Variants in RBFOX1 observed in about 807,000 individuals in gnomAD.
The protein encoded by RBFOX1 is RNA binding protein fox-1 homolog 1.
Under a neutral mutation model 57.7 loss-of-function variants are expected in RBFOX1, and 8 were observed. The observed-to-expected ratio is 0.14, with a 90% CI of 0.08 to 0.25. The LOEUF is 0.25. Ranked by LOEUF, RBFOX1 falls within the 10% of genes least tolerant of loss-of-function variation. The pLI, the probability that RBFOX1 is intolerant of heterozygous loss-of-function variation, is 1.00. For missense variants in RBFOX1, 611 were observed against 548.5 expected (o/e 1.11, Z -1.14); for synonymous variants, 326 against 222.4 (o/e 1.47, Z -4.15).
intron 4 of RBFOX1, among the ~76,000 whole-genome samples, chr16:7,278,121 G>A (rs570394984): frequency 1.6e-4 from 25 of 151,842 alleles, no homozygotes; most frequent in Non-Finnish European, 2.6e-4. Flanking sequence ...ATTTGGCTCC[G>A]CTTGGTTTCC....
intron 4 of RBFOX1, among the ~76,000 whole-genome samples, chr16:7,330,160 G>A (rs1246405654): frequency 6.6e-6 from 1 of 151,978 alleles, no homozygotes; most frequent in Non-Finnish European, 1.5e-5. Flanking sequence ...TTGGTTCCAG[G>A]ACCTCCCCTC....
At chr16:5,633,337 G>C (rs1381487421) in intron 3 of RBFOX1, among the ~76,000 whole-genome samples, 2 of 152,196 alleles carry the variant, frequency 1.3e-5, no homozygotes, top group East Asian at 3.9e-4. Flanking sequence ...CCAAAGCATA[G>C]GTGCTCTTTT....
intron 3 of RBFOX1, among the ~76,000 whole-genome samples, chr16:5,834,085 C>G (rs2056373469): frequency 6.6e-6 from 1 of 152,188 alleles, no homozygotes; most frequent in African/African-American, 2.4e-5. Context: ...GGCTTAGTTG[C>G]AGAGGTCGTC....
chr16:7,673,909 A>G (rs1161383720), intron 13 of RBFOX1, among the ~76,000 whole-genome samples: 1 of 152,182 alleles, frequency 6.6e-6, no homozygotes, highest in African/African-American at 2.4e-5. Flanking sequence ...CAGGTTCAAC[A>G]TGAACATGGT....
At chr16:7,512,350 G>C (rs1207300649) in intron 4 of RBFOX1, among the ~76,000 whole-genome samples, 1 of 152,166 alleles carries the variant, frequency 6.6e-6, no homozygotes, top group Non-Finnish European at 1.5e-5. Context: ...AAGAATCCAG[G>C]AATGTCACTA....
intron 3 of RBFOX1, among the ~76,000 whole-genome samples, chr16:6,886,028 G>A (rs991945588): frequency 6.6e-6 from 1 of 151,714 alleles, no homozygotes; most frequent in South Asian, 2.1e-4. Flanking sequence ...CATGCATCAA[G>A]GATACTGTTG....
At position 5,403,358 on chromosome 16, in the gene RBFOX1, A is replaced by AC. The variant is rs1384735732; in HGVS notation, c.220-63858_220-63857insC. Among the ~76,000 whole-genome samples the AC allele has an allele frequency of 3.0e-3, 447 of 149,730 alleles. 4 individuals carry two copies. The highest frequency in any genetic ancestry group is 0.012 in the East Asian group (59 of 5,124). On this transcript the variant is annotated intron_variant, in intron 1 of 2. Transcript: ENST00000585867. The stretch of plus-strand genomic sequence containing the variant: ...GACTGAAACGCTGTCTCAAAAAAAA[A>AC]AAAAAAAAACAAAAAACAAACAAAC...
At chr16:6,487,673 TAAAAAAAAAAAAAAA>T (rs777856402) in intron 2 of RBFOX1, among the ~76,000 whole-genome samples, 815 of 38,594 alleles carry the variant, frequency 0.021, 20 homozygotes, top group African/African-American at 0.022. Context: ...GTGATATATG[TAAAAAAAAAAAAAAA>T]AAAAAAAAAA....
chr16:7,065,686 G>T (rs2055826547), intron 4 of RBFOX1, among the ~76,000 whole-genome samples: 1 of 152,130 alleles, frequency 6.6e-6, no homozygotes, highest in Non-Finnish European at 1.5e-5. Context: ...GCTCTCAGCA[G>T]TTTTGGGGAA....
At chr16:6,485,399 T>C (rs2095455452) in intron 2 of RBFOX1, among the ~76,000 whole-genome samples, 2 of 151,232 alleles carry the variant, frequency 1.3e-5, no homozygotes, top group Non-Finnish European at 2.9e-5. Flanking sequence ...TCTTCCTCCT[T>C]ATCCCATTTT....
At chr16:6,819,426 A>C (rs138320958) in intron 3 of RBFOX1, among the ~76,000 whole-genome samples, 2 of 152,290 alleles carry the variant, frequency 1.3e-5, no homozygotes, top group African/African-American at 2.4e-5. Flanking sequence ...AGAAACCAAA[A>C]GGTAGGCCGG....
chr16:5,686,624 C>T (rs1472907033), intron 3 of RBFOX1, among the ~76,000 whole-genome samples: 1 of 152,030 alleles, frequency 6.6e-6, no homozygotes, highest in Non-Finnish European at 1.5e-5. Context: ...CCCCTAGAGG[C>T]CATATGAATT....
intron 4 of RBFOX1, among the ~76,000 whole-genome samples, chr16:7,209,160 T>C (rs1603205002): frequency 1.4e-5 from 2 of 143,548 alleles, no homozygotes; most frequent in South Asian, 4.3e-4. Context: ...ATAATAATAA[T>C]AATAATAATA....
chr16:6,415,234 C>T (rs1194688887), intron 2 of RBFOX1, among the ~76,000 whole-genome samples: 4 of 97,932 alleles, frequency 4.1e-5, no homozygotes, highest in African/African-American at 1.6e-4. Context: ...AAGAAAGAAA[C>T]TCTGTCACAA....
chr16:7,351,564 A>T (rs908483270), intron 4 of RBFOX1, among the ~76,000 whole-genome samples: 1 of 152,216 alleles, frequency 6.6e-6, no homozygotes, highest in Non-Finnish European at 1.5e-5. Context: ...GAGGGAAGAA[A>T]CAGTTAATGA....
Position 6,357,683 on chromosome 16 carries a change from T to C in RBFOX1, c.-64+40626T>C, listed in dbSNP as rs144874099. Among the ~76,000 whole-genome samples, 505 of 152,182 alleles carry C rather than the reference T, an allele frequency of 3.3e-3. 4 individuals are homozygous for C. Among genetic ancestry groups the C allele is most frequent in the African/African-American group, 0.011 (457 of 41,538 alleles). On this transcript the variant is annotated intron_variant, in intron 2 of 15. Coordinates refer to ENST00000550418, the MANE Select transcript of RBFOX1 (RefSeq NM_018723.4). ...GAGAGCTGGACACAGATGCAGTGGC[T>C]CATGCCTGTAATCCCAGCACTTTGG... is the stretch of plus-strand genomic sequence containing the variant.
chr16:6,478,430 T>TATATATATATATA (rs1491380922), intron 2 of RBFOX1, among the ~76,000 whole-genome samples: 3 of 12,738 alleles, frequency 2.4e-4, no homozygotes, highest in African/African-American at 5.8e-4. Flanking sequence ...TATATATATA[T>TATATATATATATA]TTTTTTTTTT....
chr16:5,871,072 A>G (rs371399570), intron 4 of RBFOX1, among the ~76,000 whole-genome samples: 13 of 152,178 alleles, frequency 8.5e-5, no homozygotes, highest in East Asian at 3.9e-4. Context: ...CTTTGAAAAC[A>G]TGACAGCAAG....
chr16:6,377,731 C>G (rs2091351746), intron 2 of RBFOX1, among the ~76,000 whole-genome samples: 1 of 152,170 alleles, frequency 6.6e-6, no homozygotes, highest in Non-Finnish European at 1.5e-5. Flanking sequence ...GACTTTCTGT[C>G]TGTAATCATA....
Sources: allele counts gnomAD v4.1 joint callset (sites outside exome capture counted in the v4.1 genomes callset), GRCh38; gene constraint gnomAD v4.1.1; transcripts MANE v1.5; gene names NCBI Gene and HGNC (gene_info 2026-07-23, HGNC 2026-07-21).